The following CHST9 variants were observed in gnomAD, a reference collection of about 807,000 sequenced individuals.
The protein encoded by CHST9 is carbohydrate sulfotransferase 9, also known as GalNAc-4-sulfotransferase 2.
In CHST9, 41 loss-of-function variants were observed where a neutral mutation model predicts 44.4. The ratio of observed to expected loss-of-function variants is 0.92; its 90% CI spans 0.72 to 1.20. The LOEUF is 1.20. Among genes scored for constraint, CHST9 ranks in the 50% most tolerant of loss-of-function variants. The probability of loss-of-function intolerance (pLI) is 0.00; values close to 1 mark genes in which losing one functional copy is unlikely to be tolerated. For synonymous variants in CHST9, 171 were observed against 178.4 expected (o/e 0.96, Z 0.33); for missense variants, 504 against 516.5 (o/e 0.98, Z 0.23).
At chr18:27,069,586 C>G (rs1429220812) in intron 2 of CHST9, among the ~76,000 whole-genome samples, 3 of 152,146 alleles carry the variant, frequency 2.0e-5, no homozygotes, top group Non-Finnish European at 4.4e-5. Flanking sequence ...AGATGCCAAC[C>G]ATTACACAGA....
intron 2 of CHST9, among the ~76,000 whole-genome samples, chr18:27,132,335 A>C (rs748683369): frequency 1.3e-5 from 2 of 152,238 alleles, no homozygotes; most frequent in Non-Finnish European, 2.9e-5. Flanking sequence ...TTGCAAAAGG[A>C]AAAATAAACT....
At chr18:27,088,458 G>T (rs1210173295) in intron 2 of CHST9, among the ~76,000 whole-genome samples, 4 of 150,654 alleles carry the variant, frequency 2.7e-5, no homozygotes, top group African/African-American at 9.8e-5. Flanking sequence ...GCAGTGGCGC[G>T]ATCTCGGCTC....
intron 4 of CHST9, among the ~76,000 whole-genome samples, chr18:27,007,682 G>A (rs1249128374): frequency 6.6e-6 from 1 of 152,150 alleles, no homozygotes; most frequent in Non-Finnish European, 1.5e-5. Flanking sequence ...TAGAAGGAGA[G>A]GATAATAAGA....
At chr18:27,131,348 G>A (rs1428484358) in intron 2 of CHST9, among the ~76,000 whole-genome samples, 6 of 151,778 alleles carry the variant, frequency 4.0e-5, no homozygotes, top group South Asian at 4.2e-4. Flanking sequence ...TCAGGAGTTC[G>A]AGACCAGCCT....
At chr18:27,096,032 C>T (rs1487946077) in intron 2 of CHST9, among the ~76,000 whole-genome samples, 1 of 152,010 alleles carries the variant, frequency 6.6e-6, no homozygotes, top group Non-Finnish European at 1.5e-5. Context: ...ACCACATGCT[C>T]AGCTGTAAAA....
In CHST9 at chr18:27,131,677, T is replaced by C. The variant is rs546523789; in HGVS notation, c.121+11012A>G. On this transcript the variant is annotated intron_variant, in intron 2 of 5. Transcript: ENST00000618847. ...TTTAGACACAACTGATAATCATTAA[T>C]GTTAAAATCGAGATCATAAGTCTGA... Among the ~76,000 whole-genome samples, 15 of 152,312 alleles carry C rather than the reference T, an allele frequency of 9.8e-5. No individual in the cohort carries two copies. The South Asian group carries it at 2.1e-3, about 21-fold the overall frequency.
chr18:27,049,593 T>C (rs1045065416), intron 2 of CHST9, among the ~76,000 whole-genome samples: 11 of 151,912 alleles, frequency 7.2e-5, no homozygotes, highest in Admixed American at 3.9e-4. Flanking sequence ...AGACAAATCA[T>C]CGAGGCAGAA....
intron 2 of CHST9, among the ~76,000 whole-genome samples, chr18:27,108,363 C>T (rs752231163): frequency 1.3e-5 from 2 of 152,158 alleles, no homozygotes; most frequent in African/African-American, 4.8e-5. Flanking sequence ...TCAACACGTA[C>T]ATTATTGTAT....
At chr18:27,177,674 T>C (rs1211527154) in intron 1 of CHST9, among the ~76,000 whole-genome samples, 2 of 152,126 alleles carry the variant, frequency 1.3e-5, no homozygotes, top group East Asian at 3.9e-4. Context: ...TATTCTTTAG[T>C]GTTATAGAGT....
chr18:26,975,444 C>CGA (rs909892682), intron 4 of CHST9, among the ~76,000 whole-genome samples: 10 of 151,746 alleles, frequency 6.6e-5, no homozygotes, highest in Non-Finnish European at 1.5e-4. Context: ...CCCACCACTC[C>CGA]GAGTCTCCAT....
At chr18:26,922,465 A>C (rs1161850239) in intron 5 of CHST9, among the ~76,000 whole-genome samples, 2 of 152,162 alleles carry the variant, frequency 1.3e-5, no homozygotes, top group Non-Finnish European at 2.9e-5. Context: ...CTATGGAGGA[A>C]AGCTATAGTT....
rs978648485 is a variant in CHST9 at position 26,933,532 on chromosome 18, C to T, written c.240+10797G>A. 2.6e-5 allele frequency: 4 copies of T among 153,548 alleles called. No homozygotes were observed. In the Admixed American group the frequency reaches 2.6e-4, roughly 10 times the overall value. 9.5% of individuals were successfully genotyped at this position (153,548 alleles called of 1,614,324 possible). ...TGCTCATTCCTTTCCTATATTTAGACACCAAACTCCATTCATTTTCCCCTT... is the reference window on the plus strand; with the variant it reads ...TGCTCATTCCTTTCCTATATTTAGATACCAAACTCCATTCATTTTCCCCTT... On this transcript the variant is annotated intron_variant, in intron 5 of 5. Transcript: ENST00000618847.
intron 1 of CHST9, among the ~76,000 whole-genome samples, chr18:27,150,230 C>T (rs563836235): frequency 6.6e-6 from 1 of 152,084 alleles, no homozygotes; most frequent in South Asian, 2.1e-4. Context: ...CCATCATTGG[C>T]TTGGTGTCCC....
chr18:26,916,806 T>G lies in CHST9; in HGVS notation c.785A>C (p.Asp262Ala). 1 of 1,613,886 alleles carries G rather than the reference T, an allele frequency of 6.2e-7. No individual in the cohort carries two copies. The highest frequency in any genetic ancestry group is 8.5e-7 in the Non-Finnish European group (1 of 1,179,844). Reference sequence around the variant, plus strand: ...TAAGCGGGTATATATCCCTTTTAGGTCAAAGCTATCTAGCTTCTTCAAATG... The same window carrying G: ...TAAGCGGGTATATATCCCTTTTAGGGCAAAGCTATCTAGCTTCTTCAAATG... ...GKHLKKLDSFDLKGIYTRLNT... is the reference protein window; with the variant it reads ...GKHLKKLDSFALKGIYTRLNT... The change falls in exon 6 of 6, where the codon GAC becomes GCC. Residue 262 changes from aspartate (D) to alanine (A), a missense_variant. Transcript: ENST00000618847.
intron 4 of CHST9, among the ~76,000 whole-genome samples, chr18:27,002,988 T>C (rs1190093217): frequency 6.6e-6 from 1 of 152,160 alleles, no homozygotes; most frequent in Non-Finnish European, 1.5e-5. Flanking sequence ...CTCAACCACA[T>C]GGGTTGGCTA....
chr18:26,939,900 C>G (rs531060068), intron 5 of CHST9, among the ~76,000 whole-genome samples: 2 of 152,238 alleles, frequency 1.3e-5, no homozygotes, highest in East Asian at 3.9e-4. Flanking sequence ...CCAGGAGGTT[C>G]TAAGCACCAG....
At chr18:26,968,100 A>G (rs1393089935) in intron 4 of CHST9, among the ~76,000 whole-genome samples, 1 of 152,126 alleles carries the variant, frequency 6.6e-6, no homozygotes, top group African/African-American at 2.4e-5. Flanking sequence ...CACCTTGCAG[A>G]CGGCCTATTG....
At chr18:26,969,376 C>CTCTG (rs1555672857) in intron 4 of CHST9, among the ~76,000 whole-genome samples, 3 of 95,590 alleles carry the variant, frequency 3.1e-5, no homozygotes, top group Non-Finnish European at 5.4e-5. Context: ...CTCTCTCTCT[C>CTCTG]TGTGTGTGTG....
chr18:27,142,942 TGCTAA>T, intron 1 of CHST9, 37 bp from the exon 2 acceptor site: 1 of 762,530 alleles, frequency 1.3e-6, no homozygotes, highest in Non-Finnish European at 2.0e-6. Context: ...TGTACATTTC[TGCTAA>T]TATTAATTCT....
Sources: gnomAD v4.1 joint callset for allele counts (sites outside exome capture counted in the v4.1 genomes callset) on GRCh38, gnomAD v4.1.1 for gene constraint, MANE v1.5 for transcripts, NCBI Gene and HGNC (gene_info 2026-07-23, HGNC 2026-07-21) for gene names.